Variants in MSI2 observed in about 807,000 individuals in gnomAD.
MSI2 encodes the protein RNA-binding protein Musashi homolog 2.
Under a neutral mutation model 45.6 loss-of-function variants are expected in MSI2, and 17 were observed. The ratio of observed to expected loss-of-function variants is 0.37; its 90% CI spans 0.26 to 0.56. The LOEUF is 0.56. Ranked by LOEUF, MSI2 falls within the 20% of genes least tolerant of loss-of-function variation. The pLI, the probability that MSI2 is intolerant of heterozygous loss-of-function variation, is 0.77. For missense variants in MSI2, 293 were observed against 444.2 expected (o/e 0.66, Z 3.06); for synonymous variants, 156 against 158.2 (o/e 0.99, Z 0.11).
At chr17:57,489,931 G>A (rs1464861532) in intron 6 of MSI2, among the ~76,000 whole-genome samples, 4 of 152,228 alleles carry the variant, frequency 2.6e-5, no homozygotes, top group African/African-American at 9.6e-5. Flanking sequence ...GAATTAGGGT[G>A]AGCAGGAGGG....
intron 6 of MSI2, among the ~76,000 whole-genome samples, chr17:57,439,119 T>C (rs2084747534): frequency 6.6e-6 from 1 of 152,194 alleles, no homozygotes; most frequent in African/African-American, 2.4e-5. Context: ...TCAGGACTTG[T>C]TGCAGTAGGG....
At chr17:57,263,262 CCTT>C (rs1458910179) in intron 5 of MSI2, among the ~76,000 whole-genome samples, 3 of 152,324 alleles carry the variant, frequency 2.0e-5, no homozygotes, top group Admixed American at 1.3e-4. Flanking sequence ...TTCCTTCCCT[CCTT>C]CTTTCTCTCC....
intron 5 of MSI2, among the ~76,000 whole-genome samples, chr17:57,284,067 T>C (rs1289748681): frequency 6.6e-6 from 1 of 152,244 alleles, no homozygotes; most frequent in Admixed American, 6.5e-5. Flanking sequence ...TCTGATTTTC[T>C]GGATCGACAC....
intron 5 of MSI2, among the ~76,000 whole-genome samples, chr17:57,277,426 A>G (rs550558141): frequency 1.3e-4 from 20 of 152,286 alleles, no homozygotes; most frequent in African/African-American, 4.6e-4. Context: ...TGAAAGTTCC[A>G]GTCCTAGCAG....
At chr17:57,323,444 C>T (rs757360838) in intron 5 of MSI2, among the ~76,000 whole-genome samples, 6 of 152,226 alleles carry the variant, frequency 3.9e-5, no homozygotes, top group South Asian at 2.1e-4. Flanking sequence ...TGCGGGGGTC[C>T]GCTGGGCACT....
At chr17:57,317,506 CTTTTTTTTTTT>C (rs921448429) in intron 5 of MSI2, among the ~76,000 whole-genome samples, 3 of 94,576 alleles carry the variant, frequency 3.2e-5, no homozygotes, top group Admixed American at 1.2e-4. Context: ...TATAGTTTTG[CTTTTTTTTTTT>C]TTTTTTTTTT....
At chr17:57,690,054 T>C in the MSI2 span, among the ~76,000 whole-genome samples, 1 of 152,168 alleles carries the variant, frequency 6.6e-6, no homozygotes, top group African/African-American at 2.4e-5. Flanking sequence ...TTAGCCAACC[T>C]GTTTTCCAAA....
intron 5 of MSI2, among the ~76,000 whole-genome samples, chr17:57,384,312 T>C (rs138603548): frequency 1.3e-5 from 2 of 152,292 alleles, no homozygotes; most frequent in African/African-American, 2.4e-5. Flanking sequence ...GCTGGAATTA[T>C]CTGAAGGCTT....
At chr17:57,272,300 C>T (rs558910969) in intron 5 of MSI2, among the ~76,000 whole-genome samples, 3 of 152,160 alleles carry the variant, frequency 2.0e-5, no homozygotes, top group Non-Finnish European at 4.4e-5. Flanking sequence ...TTCAACTTAG[C>T]GGCATTTTGT....
chr17:57,381,721 A>T (rs185488063), intron 5 of MSI2, among the ~76,000 whole-genome samples: 115 of 152,218 alleles, frequency 7.6e-4, no homozygotes, highest in African/African-American at 2.6e-3. Context: ...ATTAATTTAC[A>T]ATTTAACTTC....
chr17:57,328,211 C>T (rs1257981685), intron 5 of MSI2, among the ~76,000 whole-genome samples: 1 of 152,064 alleles, frequency 6.6e-6, no homozygotes, highest in South Asian at 2.1e-4. Flanking sequence ...TCTGTTCATC[C>T]ATCCATCCAT....
intron 5 of MSI2, among the ~76,000 whole-genome samples, chr17:57,385,204 T>C (rs1193035389): frequency 1.3e-5 from 2 of 152,170 alleles, no homozygotes; most frequent in Non-Finnish European, 2.9e-5. Context: ...GTCATGTTAT[T>C]CCCCAGCTTA....
At chr17:57,657,565 TAAA>T (rs1911692097) in intron 11 of MSI2, among the ~76,000 whole-genome samples, 1 of 152,140 alleles carries the variant, frequency 6.6e-6, no homozygotes, top group South Asian at 2.1e-4. Flanking sequence ...TGAGCAAAAG[TAAA>T]ATGCAAGTCA....
At chr17:57,631,889 C>G in intron 10 of MSI2, 1 of 1,600,816 alleles carries the variant, frequency 6.2e-7, no homozygotes. Flanking sequence ...AGAGAGGACA[C>G]AGTCCCGGCC....
chr17:57,411,782 G>C (rs1386379405), intron 6 of MSI2, among the ~76,000 whole-genome samples: 2 of 152,246 alleles, frequency 1.3e-5, no homozygotes, highest in Admixed American at 1.3e-4. Context: ...GCTGAGGCGG[G>C]TGGATCATGA....
At chr17:57,670,147 G>T (rs1048868575) in intron 11 of MSI2, among the ~76,000 whole-genome samples, 1 of 152,206 alleles carries the variant, frequency 6.6e-6, no homozygotes, top group African/African-American at 2.4e-5. Context: ...AGAGCCAGAG[G>T]TGCCCCCCTC....
chr17:57,646,683 C>A (rs1159781672), intron 10 of MSI2, among the ~76,000 whole-genome samples: 1 of 152,208 alleles, frequency 6.6e-6, no homozygotes, highest in African/African-American at 2.4e-5. Flanking sequence ...TTCTGTTATC[C>A]CACTCGAAGG....
intron 7 of MSI2, among the ~76,000 whole-genome samples, chr17:57,533,418 A>G (rs964574329): frequency 1.3e-5 from 2 of 152,128 alleles, no homozygotes; most frequent in African/African-American, 4.8e-5. Context: ...TGCTGCTCCC[A>G]TGACATTTTT....
At chr17:57,274,817 T>G (rs1908703643) in intron 5 of MSI2, among the ~76,000 whole-genome samples, 2 of 152,170 alleles carry the variant, frequency 1.3e-5, no homozygotes, top group African/African-American at 4.8e-5. Context: ...GTTTGAAACT[T>G]GATAACTGCC....
Sources: gnomAD v4.1 joint callset for allele counts (sites outside exome capture counted in the v4.1 genomes callset) on GRCh38, gnomAD v4.1.1 for gene constraint, MANE v1.5 for transcripts, NCBI Gene and HGNC (gene_info 2026-07-23, HGNC 2026-07-21) for gene names.